The following CAPN2 variants were observed in gnomAD, a reference collection of about 807,000 sequenced individuals.
The protein encoded by CAPN2 is calpain-2 catalytic subunit.
A neutral mutation model predicts 102.3 loss-of-function variants in CAPN2; 92 were observed. The ratio of observed to expected loss-of-function variants is 0.90; its 90% CI spans 0.76 to 1.07. CAPN2 has a LOEUF of 1.07. CAPN2 is among the 50% of genes least tolerant of loss of function. The pLI, the probability that CAPN2 is intolerant of heterozygous loss-of-function variation, is 0.00. For synonymous variants in CAPN2, 340 were observed against 355.4 expected, an observed-to-expected ratio of 0.96 and a Z score of 0.49; for missense variants, 800 against 909.4, an observed-to-expected ratio of 0.88 and a Z score of 1.55.
intron 1 of CAPN2, among the ~76,000 whole-genome samples, chr1:223,715,405 T>C (rs1659851539): frequency 6.6e-6 from 1 of 152,026 alleles, no homozygotes; most frequent in African/African-American, 2.4e-5. Context: ...ATGTGTCATA[T>C]GTTGAATCAC....
rs571327891 is a variant in CAPN2, at chr1:223,727,285, G to T, written c.307+9454G>T. Among the ~76,000 whole-genome samples the T allele has an allele frequency of 6.6e-6, 1 of 152,144 alleles. No homozygotes were observed. Among genetic ancestry groups the T allele is most frequent in the Non-Finnish European group, 1.5e-5 (1 of 68,038 alleles). On this transcript the variant is annotated intron_variant, in intron 2 of 20. Coordinates refer to ENST00000295006, the MANE Select transcript of CAPN2 (RefSeq NM_001748.5). The surrounding 1 kb of genome is among the most constrained non-coding windows in gnomAD (Gnocchi z 4.1). The stretch of plus-strand genomic sequence containing the variant: ...ACAGGTACGATTTGAGATCCATCAG[G>T]GTTTCTCAACCTTGGCACAACTGAC...
At chr1:223,710,448 G>A (rs1659703963), upstream of CAPN2, among the ~76,000 whole-genome samples, 1 of 151,984 alleles carries the variant, frequency 6.6e-6, no homozygotes, top group Non-Finnish European at 1.5e-5. Flanking sequence ...AAAATTCTAA[G>A]CCTCCCCCTC....
chr1:223,763,802 C>T (rs1019426265), intron 14 of CAPN2, among the ~76,000 whole-genome samples: 3 of 152,168 alleles, frequency 2.0e-5, no homozygotes, highest in Non-Finnish European at 4.4e-5. Context: ...AGGCTGGGCA[C>T]AGTGGCTCAC....
At chr1:223,722,215 A>C (rs1217521122) in intron 2 of CAPN2, among the ~76,000 whole-genome samples, 5 of 152,032 alleles carry the variant, frequency 3.3e-5, no homozygotes, top group Non-Finnish European at 7.4e-5. Flanking sequence ...CTCAATTTTA[A>C]AAATTGAATA....
chr1:223,750,965 T>C lies in CAPN2; in HGVS notation c.889T>C (p.Trp297Arg). The C allele has an allele frequency of 6.4e-7, 1 of 1,551,690 alleles. No homozygotes were observed. The highest frequency in any genetic ancestry group is 8.7e-7 in the Non-Finnish European group (1 of 1,147,078). ...PWGEVEWTGR[W>R]NDNCPSWNTI... The stretch of plus-strand genomic sequence containing the variant: ...GGGAGAAGTGGAGTGGACAGGGCGG[T>C]GGAATGACAAGTGAGGAGGGCGCAG... Residue 297 changes from tryptophan to arginine, a missense_variant, in exon 7 of 21, where the codon TGG becomes CGG. Trp to Arg is a moderately radical substitution (Grantham distance 101, BLOSUM62 -3). Coordinates refer to ENST00000295006, the MANE Select transcript of CAPN2 (RefSeq NM_001748.5).
At chr1:223,723,444 A>G (rs750572067) in intron 2 of CAPN2, among the ~76,000 whole-genome samples, 8 of 152,094 alleles carry the variant, frequency 5.3e-5, no homozygotes, top group Non-Finnish European at 1.2e-4. Context: ...TGATCTCTTC[A>G]CCACCAGTCC....
In CAPN2 at chr1:223,759,471, GCTGA is replaced by G. The variant is rs754961535; in HGVS notation, c.1522_1525del (p.Asp508ThrfsTer49). On this transcript the variant is annotated frameshift_variant, in exon 12 of 21. Coordinates refer to ENST00000295006, the MANE Select transcript of CAPN2 (RefSeq NM_001748.5). LOFTEE classifies it high-confidence loss of function. The surrounding 1 kb of genome is among the most constrained non-coding windows in gnomAD (Gnocchi z 4.6). ...CATCCGGGTCTTTTCTGAAAAGAAA[GCTGA>G]CTACCAGTAGGCGGTTTGGTCCCTT... 3 of 1,613,816 alleles carry G rather than the reference GCTGA, an allele frequency of 1.9e-6. No individual in the cohort carries two copies. In the South Asian group the frequency reaches 3.3e-5, roughly 18 times the overall value.
intron 6 of CAPN2, 116 bp from the exon 7 acceptor site, chr1:223,750,774 C>T: frequency 1.1e-6 from 1 of 921,078 alleles, no homozygotes; most frequent in Non-Finnish European, 1.7e-6. Context: ...CAAATCCTCC[C>T]CACCGTCCTC....
chr1:223,713,098 C>T (rs1402766533), intron 1 of CAPN2, among the ~76,000 whole-genome samples: 1 of 152,228 alleles, frequency 6.6e-6, no homozygotes, highest in Non-Finnish European at 1.5e-5. Flanking sequence ...CCACCCACCA[C>T]GCTTTCCTGG....
At chr1:223,743,283 C>A (rs377001391) in intron 2 of CAPN2, among the ~76,000 whole-genome samples, 1 of 152,218 alleles carries the variant, frequency 6.6e-6, no homozygotes, top group Non-Finnish European at 1.5e-5. Context: ...CCCCTCCGCA[C>A]AGAAACCCTT....
At chr1:223,774,536 AT>A (rs780563176) in intron 20 of CAPN2, among the ~76,000 whole-genome samples, 151 of 152,312 alleles carry the variant, frequency 9.9e-4, no homozygotes, top group Admixed American at 1.1e-3. Flanking sequence ...TTCTGATGTG[AT>A]ACTCTGAGGC....
chr1:223,768,331 G>A (rs537022571), intron 16 of CAPN2, among the ~76,000 whole-genome samples: 4,251 of 150,726 alleles, frequency 0.028, 153 homozygotes, highest in African/African-American at 0.096. Context: ...TAGGTCTAAC[G>A]TTTAAGTCTT....
At chr1:223,767,016 G>A (rs888641881) in intron 16 of CAPN2, among the ~76,000 whole-genome samples, 2 of 151,628 alleles carry the variant, frequency 1.3e-5, no homozygotes, top group African/African-American at 2.4e-5. Flanking sequence ...GGGCTGGTGC[G>A]GGAAATTCCT....
chr1:223,770,400 A>T, intron 17 of CAPN2, 47 bp from the exon 18 acceptor site: 1 of 1,389,342 alleles, frequency 7.2e-7, no homozygotes. Flanking sequence ...GTAACTTGCC[A>T]GCTTTGCTTT....
At position 223,752,078 on chromosome 1, in the gene CAPN2, T is replaced by G. The variant is rs1242753161; in HGVS notation, c.974+7T>G. On this transcript the variant is annotated splice_region_variant and intron_variant, in intron 8 of 20. Coordinates refer to ENST00000295006, the MANE Select transcript of CAPN2 (RefSeq NM_001748.5). ...ATGAAGATGGAGAATTCTGGTAAGA[T>G]TAGTGGAGGCTTCAGGGAAAGCTCT... 6.3e-7 allele frequency: 1 copy of G among 1,596,100 alleles called. No individual in the cohort carries two copies. The highest frequency in any genetic ancestry group is 8.6e-7 in the Non-Finnish European group (1 of 1,163,742).
At chr1:223,741,466 A>ATT (rs1336437808) in intron 2 of CAPN2, among the ~76,000 whole-genome samples, 1 of 139,052 alleles carries the variant, frequency 7.2e-6, no homozygotes, top group African/African-American at 2.9e-5. Flanking sequence ...ATATATATAT[A>ATT]TATTTGAGAG....
Position 223,756,665 on chromosome 1 carries a change from T to G in CAPN2, c.1306-704T>G, listed in dbSNP as rs1571811484. 6.6e-6 allele frequency among the ~76,000 whole-genome samples: 1 copy of G among 152,156 alleles called. No individual in the cohort carries two copies. Among genetic ancestry groups the G allele is most frequent in the East Asian group, 1.9e-4 (1 of 5,188 alleles). On this transcript the variant is annotated intron_variant, in intron 10 of 20. Coordinates refer to ENST00000295006, the MANE Select transcript of CAPN2 (RefSeq NM_001748.5). The surrounding 1 kb of genome is among the most constrained non-coding windows in gnomAD (Gnocchi z 4.1). ...CGTTGCCACCCATGGAACACTGACT[T>G]CTACCTGCTCACCCACCTGAGAAAG...
intron 16 of CAPN2, among the ~76,000 whole-genome samples, chr1:223,767,167 G>T (rs1222152): frequency 0.41 from 61,099 of 149,324 alleles, 13,439 homozygotes; most frequent in African/African-American, 0.62. Context: ...CAAGATCGTC[G>T]TCTTCTTTAT....
chr1:223,760,874 T>C (rs141374199), intron 12 of CAPN2, among the ~76,000 whole-genome samples: 450 of 152,334 alleles, frequency 3.0e-3, no homozygotes, highest in Non-Finnish European at 4.3e-3. Flanking sequence ...CTGCCAGGCA[T>C]TGGCCCTGCT....
Sources: gnomAD v4.1 joint callset for allele counts (sites outside exome capture counted in the v4.1 genomes callset) on GRCh38, gnomAD v4.1.1 for gene constraint, Gnocchi (gnomAD v3.1) non-coding constraint, MANE v1.5 for transcripts, NCBI Gene and HGNC (gene_info 2026-07-23, HGNC 2026-07-21) for gene names.